FBXO15: variants seen among roughly 807,000 people sequenced by gnomAD.
FBXO15 encodes the protein F-box protein 15.
Under a neutral mutation model 49.5 loss-of-function variants are expected in FBXO15, and 30 were observed. That is an observed-to-expected ratio of 0.61 (90% CI 0.45 to 0.82). FBXO15 has a LOEUF of 0.82. FBXO15 is among the 40% of genes least tolerant of loss of function. The pLI, the probability that FBXO15 is intolerant of heterozygous loss-of-function variation, is 0.00. For synonymous variants in FBXO15, 250 were observed against 232.7 expected (o/e 1.07, Z -0.68); for missense variants, 591 against 631.5 (o/e 0.94, Z 0.69).
At chr18:74,089,008 A>G (rs4275934) in intron 8 of FBXO15, among the ~76,000 whole-genome samples, 151,190 of 152,254 alleles carry the variant, frequency 0.99, 75,072 homozygotes, top group East Asian at 1. Context: ...GGATACATGT[A>G]CATGACGTAC....
At position 74,126,120 on chromosome 18, in the gene FBXO15, G is replaced by T; in HGVS notation, c.786-19C>A. Reference sequence around the variant, plus strand: ...TCGGAGTCTTTGAACGTTATGCCAAGGAAAGGAGAGAGAGAAGTGAGCTTT... The same window carrying T: ...TCGGAGTCTTTGAACGTTATGCCAATGAAAGGAGAGAGAGAAGTGAGCTTT... On this transcript the variant is annotated intron_variant, in intron 5 of 9. Transcript: ENST00000419743. 1 of 1,612,396 alleles carries T rather than the reference G, an allele frequency of 6.2e-7. No individual in the cohort carries two copies. Among genetic ancestry groups the T allele is most frequent in the South Asian group, 1.1e-5 (1 of 90,810 alleles).
intron 8 of FBXO15, among the ~76,000 whole-genome samples, chr18:74,117,313 A>G (rs1252995432): frequency 6.6e-6 from 1 of 152,128 alleles, no homozygotes; most frequent in Non-Finnish European, 1.5e-5. Context: ...ATTCTCCCTC[A>G]TTTAACTTAA....
rs557936693 is a variant in FBXO15 at position 74,142,295 on chromosome 18, T to C, written c.117-1983A>G. On this transcript the variant is annotated intron_variant, in intron 1 of 9. Transcript: ENST00000419743. ...TCTACCTGTTATATATTTTTGTACT[T>C]CTGTTAGAAATTTTGTTTAAACACA... 3.9e-5 allele frequency among the ~76,000 whole-genome samples: 6 copies of C among 152,348 alleles called. No individual in the cohort carries two copies. In the South Asian group the frequency reaches 1.0e-3, roughly 26 times the overall value.
At chr18:74,077,920 T>C (rs1243683489) in intron 9 of FBXO15, among the ~76,000 whole-genome samples, 1 of 152,186 alleles carries the variant, frequency 6.6e-6, no homozygotes, top group Non-Finnish European at 1.5e-5. Context: ...TTGACTGTGT[T>C]ACTTACAACC....
chr18:74,137,835 T>C (rs542651244), intron 2 of FBXO15, among the ~76,000 whole-genome samples: 4 of 152,128 alleles, frequency 2.6e-5, no homozygotes, highest in Non-Finnish European at 5.9e-5. Context: ...CCTGAGAATG[T>C]TAATTTGTGC....
At chr18:74,092,751 G>T (rs945698849) in intron 8 of FBXO15, among the ~76,000 whole-genome samples, 19 of 152,260 alleles carry the variant, frequency 1.2e-4, no homozygotes, top group Non-Finnish European at 2.1e-4. Context: ...AACCTGCTGT[G>T]TCAGAAGAGC....
At chr18:74,119,180 C>CT (rs1227315785) in intron 8 of FBXO15, among the ~76,000 whole-genome samples, 1 of 152,228 alleles carries the variant, frequency 6.6e-6, no homozygotes, top group African/African-American at 2.4e-5. Flanking sequence ...GAAGCTGCAT[C>CT]TTTTCCTCTA....
intron 1 of FBXO15, chr18:74,140,893 CTTACTA>C (rs1979035809): frequency 1.3e-5 from 2 of 152,272 alleles, no homozygotes; most frequent in Admixed American, 6.5e-5. Flanking sequence ...TTTTAAAAAA[CTTACTA>C]TTAGTAAACT....
At chr18:74,086,237 A>G (rs907804498) in intron 8 of FBXO15, among the ~76,000 whole-genome samples, 19 of 152,188 alleles carry the variant, frequency 1.2e-4, no homozygotes, top group African/African-American at 4.1e-4. Context: ...AAAAGACAAT[A>G]ACATGATATA....
At chr18:74,127,908 C>T (rs1599177280) in intron 5 of FBXO15, among the ~76,000 whole-genome samples, 1 of 152,174 alleles carries the variant, frequency 6.6e-6, no homozygotes, top group African/African-American at 2.4e-5. Flanking sequence ...GTCCTAATAT[C>T]TGTAAGTAAC....
At chr18:74,124,699 A>G (rs1914630157) in intron 6 of FBXO15, 128 bp from the exon 7 acceptor site, 23 of 752,462 alleles carry the variant, frequency 3.1e-5, no homozygotes, top group Non-Finnish European at 4.9e-5. Flanking sequence ...TAAGATCACC[A>G]CAGTGCTAAT....
chr18:74,144,496 G>A (rs560849912), intron 1 of FBXO15, among the ~76,000 whole-genome samples: 1 of 152,276 alleles, frequency 6.6e-6, no homozygotes, highest in Non-Finnish European at 1.5e-5. Flanking sequence ...GACTGGAGCA[G>A]TGGTTCTCAA....
intron 8 of FBXO15, among the ~76,000 whole-genome samples, chr18:74,114,432 C>T (rs1026900679): frequency 2.0e-5 from 3 of 152,170 alleles, no homozygotes; most frequent in South Asian, 2.1e-4. Context: ...ACCAATAATG[C>T]AACTATATCC....
intron 3 of FBXO15, among the ~76,000 whole-genome samples, chr18:74,134,514 G>A (rs945688862): frequency 1.3e-5 from 2 of 151,412 alleles, no homozygotes; most frequent in South Asian, 2.1e-4. Flanking sequence ...GACTACAGGC[G>A]CCTGCCACCA....
At position 74,131,875 on chromosome 18, in the gene FBXO15, G is replaced by C. The variant is rs568419243; in HGVS notation, c.333-1217C>G. Among the ~76,000 whole-genome samples the C allele has an allele frequency of 5.3e-5, 8 of 152,158 alleles. No individual in the cohort carries two copies. The East Asian group carries it at 1.5e-3, about 29-fold the overall frequency. Reference sequence around the variant, plus strand: ...GTCCTGAACTGCAGCAGGACCCCTGGGGATAACTGGGTGCTCTGGGGAGGC... The same window carrying C: ...GTCCTGAACTGCAGCAGGACCCCTGCGGATAACTGGGTGCTCTGGGGAGGC... On this transcript the variant is annotated intron_variant, in intron 3 of 9. Transcript: ENST00000419743.
At chr18:74,084,711 G>A (rs17088767) in intron 8 of FBXO15, among the ~76,000 whole-genome samples, 13,296 of 152,044 alleles carry the variant, frequency 0.087, 818 homozygotes, top group Admixed American at 0.2. Context: ...CACCATCCTT[G>A]GTTTCCAGTG....
Position 74,129,416 on chromosome 18 carries a change from G to C in FBXO15, c.774C>G (p.Pro258=). The C allele has an allele frequency of 6.2e-7, 1 of 1,613,756 alleles. No homozygotes were observed. The highest frequency in any genetic ancestry group is 1.1e-5 in the South Asian group (1 of 91,044). ...TPVFTDWYKT[P]TKHRLRWHSL... Reference sequence around the variant, plus strand: ...TGATTGGTACTTACCTATGTTTGGTGGGAGTTTTATACCAGTCGGTAAAAA... The same window carrying C: ...TGATTGGTACTTACCTATGTTTGGTCGGAGTTTTATACCAGTCGGTAAAAA... Residue 258 remains proline, a synonymous_variant, in exon 5 of 10, where the codon CCC becomes CCG. Coordinates refer to ENST00000419743, the MANE Select transcript of FBXO15 (RefSeq NM_001142958.2).
intron 8 of FBXO15, among the ~76,000 whole-genome samples, chr18:74,096,399 T>C (rs1226308037): frequency 6.6e-6 from 1 of 151,976 alleles, no homozygotes; most frequent in Non-Finnish European, 1.5e-5. Context: ...GCCTCCTGCA[T>C]CTGAGACAAG....
chr18:74,110,794 A>G (rs1370100150), intron 8 of FBXO15, among the ~76,000 whole-genome samples: 1 of 152,232 alleles, frequency 6.6e-6, no homozygotes, highest in Non-Finnish European at 1.5e-5. Context: ...CAGAGCAAGG[A>G]AACTTACCAG....
Sources: gnomAD v4.1 joint callset for allele counts (sites outside exome capture counted in the v4.1 genomes callset) on GRCh38, gnomAD v4.1.1 for gene constraint, MANE v1.5 for transcripts, NCBI Gene and HGNC (gene_info 2026-07-23, HGNC 2026-07-21) for gene names.